Variants in SYT17 observed in about 807,000 individuals in gnomAD.
The protein encoded by SYT17 is synaptotagmin-17.
A neutral mutation model predicts 46.7 loss-of-function variants in SYT17; 22 were observed. The ratio of observed to expected loss-of-function variants is 0.47; its 90% CI spans 0.34 to 0.67. SYT17 has a LOEUF of 0.67. Ranked by LOEUF, SYT17 falls within the 30% of genes least tolerant of loss-of-function variation. The pLI, the probability that SYT17 is intolerant of heterozygous loss-of-function variation, is 0.01. For missense variants in SYT17, 519 were observed against 612.8 expected, an observed-to-expected ratio of 0.85 and a Z score of 1.62; for synonymous variants, 251 against 248.4, an observed-to-expected ratio of 1.01 and a Z score of -0.10.
At chr16:19,211,329 C>A in intron 5 of SYT17, 1 of 687,632 alleles carries the variant, frequency 1.5e-6, no homozygotes, top group Non-Finnish European at 2.7e-6. Context: ...CCTCTCGGCC[C>A]GTGGTGTGGC....
In SYT17 at chr16:19,168,979, A is replaced by C. The variant is rs531648757; in HGVS notation, c.15+318A>C. On this transcript the variant is annotated intron_variant, in intron 1 of 7. Coordinates refer to ENST00000355377, the MANE Select transcript of SYT17 (RefSeq NM_016524.4). This position sits in a 1 kb window ranked among gnomAD's most constrained non-coding sequence, Gnocchi z 6.9. ...CTCCCTCTCCTTGGCACCCCACCCC[A>C]GGGGAGGGGCCGTGGGGAGGGCGGC... Among the ~76,000 whole-genome samples the C allele has an allele frequency of 1.3e-5, 2 of 150,900 alleles. No homozygotes were observed. Among genetic ancestry groups the C allele is most frequent in the South Asian group, 4.2e-4 (2 of 4,740 alleles).
At chr16:19,247,195 G>A (rs541169275) in intron 7 of SYT17, among the ~76,000 whole-genome samples, 217 of 152,288 alleles carry the variant, frequency 1.4e-3, no homozygotes, top group African/African-American at 4.9e-3. Flanking sequence ...TCATTATTAC[G>A]GCCGTATGAT....
intron 4 of SYT17, among the ~76,000 whole-genome samples, chr16:19,180,992 G>A (rs1281031737): frequency 6.6e-6 from 1 of 152,180 alleles, no homozygotes; most frequent in Non-Finnish European, 1.5e-5. Context: ...TGTCTGGAGA[G>A]TTACTAGGGC....
At chr16:19,249,013 G>A (rs1335001954) in intron 7 of SYT17, among the ~76,000 whole-genome samples, 4 of 152,240 alleles carry the variant, frequency 2.6e-5, no homozygotes, top group Admixed American at 6.5e-5. Flanking sequence ...GGTGGCTCAC[G>A]CCTGTAATCC....
intron 5 of SYT17, among the ~76,000 whole-genome samples, chr16:19,212,622 A>G (rs1965949244): frequency 6.6e-6 from 1 of 152,100 alleles, no homozygotes; most frequent in Non-Finnish European, 1.5e-5. Flanking sequence ...TTCCTGTCAC[A>G]ATAAATAAAT....
chr16:19,237,916 A>T (rs1966870967), intron 7 of SYT17, among the ~76,000 whole-genome samples: 1 of 152,254 alleles, frequency 6.6e-6, no homozygotes, highest in South Asian at 2.1e-4. Flanking sequence ...CAGAAATATC[A>T]GTGGGGAGAT....
In SYT17 at chr16:19,238,266, TCA is replaced by T. The variant is rs150828999; in HGVS notation, c.1228+13431_1228+13432del. Among the ~76,000 whole-genome samples the T allele has an allele frequency of 7.0e-3, 1,065 of 152,214 alleles. 22 individuals carry two copies. The highest frequency in any genetic ancestry group is 0.024 in the African/African-American group (983 of 41,512). ...TTGTCTGTAGATCTCAGTTCCCAGC[TCA>T]CAGGCTATTGTGGGGACAAAAGGAA... On this transcript the variant is annotated intron_variant, in intron 7 of 7. Coordinates refer to ENST00000355377, the MANE Select transcript of SYT17 (RefSeq NM_016524.4).
chr16:19,232,087 C>G (rs1324125329), intron 7 of SYT17, among the ~76,000 whole-genome samples: 1 of 152,178 alleles, frequency 6.6e-6, no homozygotes, highest in Admixed American at 6.5e-5. Context: ...GAAATTGAGG[C>G]TGACGTCATA....
intron 5 of SYT17, among the ~76,000 whole-genome samples, chr16:19,204,323 C>T (rs1268316380): frequency 6.6e-6 from 1 of 152,094 alleles, no homozygotes; most frequent in African/African-American, 2.4e-5. Context: ...GAGAACAGGG[C>T]AAGGTGACCT....
chr16:19,261,029 G>T (rs1001714809), intron 7 of SYT17, among the ~76,000 whole-genome samples: 1 of 151,934 alleles, frequency 6.6e-6, no homozygotes, highest in East Asian at 1.9e-4. Context: ...ATTGTAGAAA[G>T]AGAGTCTTAC....
chr16:19,204,557 G>A (rs1313679434), intron 5 of SYT17, among the ~76,000 whole-genome samples: 1 of 151,992 alleles, frequency 6.6e-6, no homozygotes, highest in African/African-American at 2.4e-5. Context: ...TAAGTTTGGG[G>A]TGCAGGGTGT....
At chr16:19,172,314 C>T (rs533107027) in intron 1 of SYT17, 25 of 1,317,674 alleles carry the variant, frequency 1.9e-5, no homozygotes, top group South Asian at 9.3e-5. Flanking sequence ...TCCGGGAGGG[C>T]GGGGGAGCCA....
chr16:19,212,100 C>T (rs1034291880), intron 5 of SYT17, among the ~76,000 whole-genome samples: 3 of 152,132 alleles, frequency 2.0e-5, no homozygotes, highest in African/African-American at 4.8e-5. Context: ...GGACATTTGA[C>T]GATGTCTGGA....
At chr16:19,190,701 A>G (rs1221693424) in intron 5 of SYT17, among the ~76,000 whole-genome samples, 1 of 151,990 alleles carries the variant, frequency 6.6e-6, no homozygotes, top group South Asian at 2.1e-4. Flanking sequence ...AATGTCTTCA[A>G]AGTTCATCTG....
At chr16:19,264,582 G>A (rs1969228264) in intron 7 of SYT17, among the ~76,000 whole-genome samples, 1 of 139,912 alleles carries the variant, frequency 7.1e-6, no homozygotes, top group Non-Finnish European at 1.5e-5. Context: ...ACGTGAGACT[G>A]AGATTTCCCC....
intron 5 of SYT17, among the ~76,000 whole-genome samples, chr16:19,216,380 C>CTTTTTTTTTTTTT (rs5816039): frequency 1.4e-5 from 2 of 141,556 alleles, no homozygotes; most frequent in Non-Finnish European, 1.6e-5. Context: ...ACAATTATTT[C>CTTTTTTTTTTTTT]TTTTTTTTTT....
chr16:19,237,475 A>G (rs952973958), intron 7 of SYT17, among the ~76,000 whole-genome samples: 1 of 152,184 alleles, frequency 6.6e-6, no homozygotes, highest in Non-Finnish European at 1.5e-5. Flanking sequence ...TCAGTTTACC[A>G]TTGCCATGGC....
intron 7 of SYT17, among the ~76,000 whole-genome samples, chr16:19,246,685 T>C (rs2142991456): frequency 6.6e-6 from 1 of 152,324 alleles, no homozygotes; most frequent in South Asian, 2.1e-4. Flanking sequence ...CTACTCTCTT[T>C]TGTTAGCATC....
At chr16:19,179,227 A>G (rs1260121396) in intron 3 of SYT17, among the ~76,000 whole-genome samples, 1 of 152,132 alleles carries the variant, frequency 6.6e-6, no homozygotes, top group African/African-American at 2.4e-5. Context: ...TCCTGGGCTC[A>G]AGCAGTCCTC....
Sources: allele counts gnomAD v4.1 joint callset (sites outside exome capture counted in the v4.1 genomes callset), GRCh38; gene constraint gnomAD v4.1.1; non-coding constraint Gnocchi (gnomAD v3.1); transcripts MANE v1.5; gene names NCBI Gene and HGNC (gene_info 2026-07-23, HGNC 2026-07-21).